Variants in KLRG1 observed in about 807,000 individuals in gnomAD.
KLRG1 encodes killer cell lectin-like receptor subfamily G member 1.
Under a neutral mutation model 21.8 loss-of-function variants are expected in KLRG1, and 16 were observed. The observed-to-expected ratio is 0.73, with a 90% confidence interval of 0.50 to 1.11. The LOEUF (loss-of-function observed/expected upper bound fraction) is 1.11, where lower values mean the gene tolerates loss of function less well. Ranked by LOEUF, KLRG1 falls within the 50% of genes most tolerant of loss-of-function variation. The pLI, the probability that KLRG1 is intolerant of heterozygous loss-of-function variation, is 0.00. For synonymous variants in KLRG1, 69 were observed against 75.9 expected, an observed-to-expected ratio of 0.91 and a Z score of 0.47; for missense variants, 173 against 218.3, an observed-to-expected ratio of 0.79 and a Z score of 1.31.
the KLRG1 span, chr12:9,160,017 T>C: frequency 1.9e-6 from 3 of 1,613,604 alleles, no homozygotes; most frequent in Non-Finnish European, 2.5e-6. Context: ...TTCAGCTGTC[T>C]CTGGTAACCT....
intron 1 of KLRG1, among the ~76,000 whole-genome samples, chr12:8,967,799 C>G (rs1031357090): frequency 3.9e-4 from 59 of 152,002 alleles, no homozygotes; most frequent in Non-Finnish European, 7.4e-4. Context: ...TGTATGAAAA[C>G]GGCCAGGGAA....
the KLRG1 span, among the ~76,000 whole-genome samples, chr12:9,062,647 T>C: frequency 6.8e-6 from 1 of 147,842 alleles, no homozygotes; most frequent in African/African-American, 2.5e-5. Context: ...TATACATTTA[T>C]ATGTATAATA....
intron 1 of KLRG1, among the ~76,000 whole-genome samples, chr12:8,956,140 C>G (rs1206394026): frequency 6.6e-6 from 1 of 152,198 alleles, no homozygotes; most frequent in Non-Finnish European, 1.5e-5. Flanking sequence ...GGACGCAGGA[C>G]AAGAACTCGG....
At chr12:9,057,867 T>A in the KLRG1 span, 3 of 152,210 alleles carry the variant, frequency 2.0e-5, no homozygotes, top group African/African-American at 7.2e-5. Context: ...ATGGCTCACA[T>A]AGGGAGCAGT....
the KLRG1 span, chr12:9,029,068 T>C: frequency 2.0e-6 from 1 of 508,922 alleles, no homozygotes; most frequent in South Asian, 2.1e-5. Context: ...TCAGGCTCTT[T>C]AGGAGACTCA....
chr12:9,136,387 C>T, the KLRG1 span, among the ~76,000 whole-genome samples: 2 of 152,184 alleles, frequency 1.3e-5, no homozygotes, highest in African/African-American at 4.8e-5. Context: ...AATGGGTATA[C>T]ATTTGTACAG....
chr12:9,076,605 T>G, the KLRG1 span: 1 of 652,718 alleles, frequency 1.5e-6, no homozygotes, highest in South Asian at 3.1e-5. Flanking sequence ...AAATCCTAGA[T>G]TTTATAAGAT....
intron 3 of KLRG1, among the ~76,000 whole-genome samples, chr12:8,999,651 T>G (rs1947246847): frequency 6.6e-6 from 1 of 152,244 alleles, no homozygotes; most frequent in Admixed American, 6.5e-5. Flanking sequence ...GTCATGAGTG[T>G]GCTTTTACTA....
At chr12:9,166,156 T>C in the KLRG1 span, 7 of 1,613,812 alleles carry the variant, frequency 4.3e-6, no homozygotes, top group South Asian at 6.6e-5. Flanking sequence ...TCACATTATA[T>C]GTGCCTAATT....
the KLRG1 span, chr12:9,149,690 G>A: frequency 1.6e-6 from 2 of 1,267,886 alleles, no homozygotes; most frequent in Non-Finnish European, 2.2e-6. Context: ...TACTACTGGA[G>A]AAAAGCACGC....
chr12:9,105,199 A>C, the KLRG1 span, among the ~76,000 whole-genome samples: 2 of 152,220 alleles, frequency 1.3e-5, no homozygotes, highest in South Asian at 4.1e-4. Context: ...GACCCCCATC[A>C]GTACTCATAA....
At chr12:9,170,700 C>T in the KLRG1 span, among the ~76,000 whole-genome samples, 19 of 152,148 alleles carry the variant, frequency 1.2e-4, no homozygotes, top group African/African-American at 4.6e-4. The surrounding 1 kb of genome is among the most constrained non-coding windows in gnomAD (Gnocchi z 4.6). Context: ...GAACGGTCCC[C>T]CACGATGCAG....
At chr12:9,030,594 G>T in the KLRG1 span, among the ~76,000 whole-genome samples, 1 of 152,068 alleles carries the variant, frequency 6.6e-6, no homozygotes, top group East Asian at 1.9e-4. Context: ...TTTTAGTAGA[G>T]ACGGGGTTTC....
chr12:9,136,293 G>A, the KLRG1 span, among the ~76,000 whole-genome samples: 1 of 152,246 alleles, frequency 6.6e-6, no homozygotes, highest in South Asian at 2.1e-4. Context: ...AGAAATTGGA[G>A]GTCTGGTTTG....
the KLRG1 span, chr12:9,196,555 C>T: frequency 8.2e-6 from 13 of 1,583,398 alleles, no homozygotes; most frequent in African/African-American, 1.3e-5. Flanking sequence ...TTCCCATATT[C>T]GTTCATTACT....
chr12:9,132,328 G>A, the KLRG1 span, among the ~76,000 whole-genome samples: 1 of 152,302 alleles, frequency 6.6e-6, no homozygotes, highest in African/African-American at 2.4e-5. Flanking sequence ...ATATTTTCAA[G>A]ATAGGTCAGT....
At chr12:9,013,054 G>T (rs944076710), downstream of KLRG1, among the ~76,000 whole-genome samples, 8 of 152,156 alleles carry the variant, frequency 5.3e-5, no homozygotes, top group African/African-American at 1.9e-4. Context: ...GATAACAAGA[G>T]GCTCTGCCTG....
At chr12:9,101,080 T>C in the KLRG1 span, 1 of 1,439,296 alleles carries the variant, frequency 6.9e-7, no homozygotes, top group African/African-American at 1.4e-5. Flanking sequence ...TTCTGATACT[T>C]CCGTGGTGTA....
downstream of KLRG1, among the ~76,000 whole-genome samples, chr12:9,012,666 G>C (rs766076704): frequency 1.3e-5 from 2 of 152,020 alleles, no homozygotes; most frequent in African/African-American, 4.8e-5. Flanking sequence ...TTGCAGCTTA[G>C]GTATTAGCTT....
Sources: allele counts gnomAD v4.1 joint callset (sites outside exome capture counted in the v4.1 genomes callset), GRCh38; gene constraint gnomAD v4.1.1; non-coding constraint Gnocchi (gnomAD v3.1); transcripts MANE v1.5; gene names NCBI Gene and HGNC (gene_info 2026-07-23, HGNC 2026-07-21).